Variants in ABCC4 observed in about 807,000 individuals in gnomAD.
ABCC4 encodes the protein ATP-binding cassette sub-family C member 4.
Under a neutral mutation model 168.5 loss-of-function variants are expected in ABCC4, and 102 were observed. That is an observed-to-expected ratio of 0.61 (90% confidence interval 0.52 to 0.71). ABCC4 has a LOEUF of 0.71. ABCC4 is among the 30% of genes least tolerant of loss of function. The pLI is 0.00. For synonymous variants in ABCC4, 617 were observed against 590.7 expected, an observed-to-expected ratio of 1.04 and a Z score of -0.65; for missense variants, 1,402 against 1,605.8, an observed-to-expected ratio of 0.87 and a Z score of 2.17.
intron 11 of ABCC4, among the ~76,000 whole-genome samples, chr13:95,186,223 G>A (rs2038053038): frequency 6.6e-6 from 1 of 150,538 alleles, no homozygotes; most frequent in African/African-American, 2.5e-5. Context: ...TAAGTAATAA[G>A]GTATTACAGA....
chr13:95,129,449 A>G (rs2035887462), intron 19 of ABCC4, among the ~76,000 whole-genome samples: 1 of 152,228 alleles, frequency 6.6e-6, no homozygotes, highest in Non-Finnish European at 1.5e-5. Context: ...CTGCAAATAT[A>G]ATGGACATGT....
At chr13:95,111,700 T>G (rs1392063472) in intron 20 of ABCC4, among the ~76,000 whole-genome samples, 1 of 152,188 alleles carries the variant, frequency 6.6e-6, no homozygotes, top group Non-Finnish European at 1.5e-5. Flanking sequence ...AAATGAAAAC[T>G]CACAAATACA....
At chr13:95,278,810 A>G (rs1485721507) in intron 1 of ABCC4, among the ~76,000 whole-genome samples, 4 of 148,154 alleles carry the variant, frequency 2.7e-5, no homozygotes, top group African/African-American at 9.8e-5. Flanking sequence ...GTCTCGGAAA[A>G]AAAAAAAAAA....
intron 1 of ABCC4, among the ~76,000 whole-genome samples, chr13:95,250,137 A>G (rs2040216869): frequency 6.6e-6 from 1 of 152,238 alleles, no homozygotes; most frequent in African/African-American, 2.4e-5. Flanking sequence ...CCATCTATGT[A>G]AGGACTTTAT....
At chr13:95,196,376 C>T (rs2038414904) in intron 8 of ABCC4, among the ~76,000 whole-genome samples, 1 of 152,088 alleles carries the variant, frequency 6.6e-6, no homozygotes, top group Non-Finnish European at 1.5e-5. Flanking sequence ...TGACAACGTC[C>T]AGGAAACTTC....
rs893682726 is a variant in ABCC4 at position 95,115,928 on chromosome 13, G to T, written c.2529C>A (p.Phe843Leu). The T allele has an allele frequency of 3.7e-6, 6 of 1,611,202 alleles. No individual in the cohort carries two copies. Among genetic ancestry groups the T allele is most frequent in the Non-Finnish European group, 5.1e-6 (6 of 1,178,868 alleles). Residue 843 changes from phenylalanine (F) to leucine (L), a missense_variant, in exon 20 of 31, where the codon TTC (phenylalanine) becomes TTA (leucine). Physicochemically the swap from Phe to Leu is conservative, Grantham distance 22. This residue lies in a region of ABCC4 where 1,007 missense variants were observed against 1,127.3 expected (regional missense o/e 0.89). Transcript: ENST00000645237. ...DDLLPLTFLD[F>L]IQTLLQVVGV... Reference sequence around the variant, plus strand: ...ACATTACTCTCAACGTTACCTGGATGAAATCTAAAAACGTCAGCGGCAGCA... The same window carrying T: ...ACATTACTCTCAACGTTACCTGGATTAAATCTAAAAACGTCAGCGGCAGCA...
chr13:95,258,473 C>G (rs1235676754), intron 1 of ABCC4, among the ~76,000 whole-genome samples: 1 of 152,154 alleles, frequency 6.6e-6, no homozygotes, highest in Non-Finnish European at 1.5e-5. Context: ...TACAAAAAAC[C>G]AAACATACCC....
Position 95,250,131 on chromosome 13 carries a change from C to G in ABCC4, c.75-2378G>C, listed in dbSNP as rs563242536. Reference sequence around the variant, plus strand: ...AAGAGACTAAATTATCTTTGACCATCTATGTAAGGACTTTATACATGGAAA... The same window carrying G: ...AAGAGACTAAATTATCTTTGACCATGTATGTAAGGACTTTATACATGGAAA... On this transcript the variant is annotated intron_variant, in intron 1 of 30. Coordinates refer to ENST00000645237, the MANE Select transcript of ABCC4 (RefSeq NM_005845.5). Among the ~76,000 whole-genome samples, 554 of 152,324 alleles carry G rather than the reference C, an allele frequency of 3.6e-3. 5 individuals carry two copies. Among genetic ancestry groups the G allele is most frequent in the Non-Finnish European group, 7.1e-3 (485 of 68,036 alleles).
At chr13:95,264,830 A>T (rs1439469895) in intron 1 of ABCC4, among the ~76,000 whole-genome samples, 2 of 149,264 alleles carry the variant, frequency 1.3e-5, no homozygotes, top group African/African-American at 4.9e-5. Context: ...ATGCACTAAA[A>T]TTTAGGTATA....
At chr13:95,148,247 GTTAA>G (rs2036561903) in intron 19 of ABCC4, among the ~76,000 whole-genome samples, 1 of 152,054 alleles carries the variant, frequency 6.6e-6, no homozygotes, top group Non-Finnish European at 1.5e-5. Context: ...GGATTGTACT[GTTAA>G]TATCATCGCC....
intron 26 of ABCC4, chr13:95,054,021 C>CTTTTTTTTTTTTTTTTTTTTT (rs55980425): frequency 4.2e-5 from 3 of 71,636 alleles, no homozygotes; most frequent in Admixed American, 2.2e-4. Flanking sequence ...ATGGGACATC[C>CTTTTTTTTTTTTTTTTTTTTT]TTTTTTTTTT....
chr13:95,264,023 G>A (rs546556471), intron 1 of ABCC4, among the ~76,000 whole-genome samples: 105 of 152,174 alleles, frequency 6.9e-4, no homozygotes, highest in Non-Finnish European at 1.3e-3. Flanking sequence ...AAAGAATCCC[G>A]ACAACATGTC....
intron 11 of ABCC4, among the ~76,000 whole-genome samples, chr13:95,180,019 C>T (rs1424377240): frequency 6.6e-6 from 1 of 151,996 alleles, no homozygotes; most frequent in Non-Finnish European, 1.5e-5. Context: ...ACAGCAGGAC[C>T]CCATTCATAG....
At chr13:95,284,702 C>G (rs2041216092) in intron 1 of ABCC4, among the ~76,000 whole-genome samples, 1 of 152,166 alleles carries the variant, frequency 6.6e-6, no homozygotes, top group African/African-American at 2.4e-5. Flanking sequence ...GGGCAGGGAC[C>G]AGGGTCACTG....
chr13:95,193,004 T>C (rs765318651), intron 9 of ABCC4, among the ~76,000 whole-genome samples: 24 of 152,242 alleles, frequency 1.6e-4, no homozygotes, highest in Admixed American at 1.2e-3. Context: ...TGAGTTTCCA[T>C]GTGCACAAGA....
chr13:95,138,471 TGAACTAAGTGTCA>T (rs1352680362), intron 19 of ABCC4, among the ~76,000 whole-genome samples: 1 of 152,190 alleles, frequency 6.6e-6, no homozygotes, highest in East Asian at 1.9e-4. Context: ...TGGTGAAATG[TGAACTAAGTGTCA>T]GATAGTTACA....
chr13:95,080,500 T>G (rs903444482), intron 21 of ABCC4, among the ~76,000 whole-genome samples: 4 of 152,124 alleles, frequency 2.6e-5, no homozygotes, highest in Non-Finnish European at 4.4e-5. Flanking sequence ...TGGGTTCAAG[T>G]GATTCTCCTG....
intron 8 of ABCC4, among the ~76,000 whole-genome samples, chr13:95,204,927 G>A (rs2038737569): frequency 6.6e-6 from 1 of 152,196 alleles, no homozygotes; most frequent in Admixed American, 6.5e-5. Context: ...GTGAGGGGCA[G>A]CAACAGCAGT....
Position 95,170,556 on chromosome 13 carries a change from T to C in ABCC4, c.1800A>G (p.Ala600=). The C allele has an allele frequency of 6.2e-7, 1 of 1,611,684 alleles. No homozygotes were observed. The change falls in exon 14 of 31, where the codon GCA becomes GCG. Residue 600 remains alanine, a synonymous_variant. Coordinates refer to ENST00000645237, the MANE Select transcript of ABCC4 (RefSeq NM_005845.5). ...VTHQLQYLKA[A]SQILILKDGK... is the part of the protein sequence containing the mutation. ...CATCTTTCAATATCAGAATCTGACTTGCAGCTTTGAGGTACTGCAACTGAT... is the reference window on the plus strand; with the variant it reads ...CATCTTTCAATATCAGAATCTGACTCGCAGCTTTGAGGTACTGCAACTGAT...
Sources: gnomAD v4.1 joint callset for allele counts (sites outside exome capture counted in the v4.1 genomes callset) on GRCh38, gnomAD v4.1.1 for gene constraint, gnomAD v4.1.1 regional missense constraint, MANE v1.5 for transcripts, NCBI Gene and HGNC (gene_info 2026-07-23, HGNC 2026-07-21) for gene names.